BMP3: variants seen among roughly 807,000 people sequenced by gnomAD.
The protein encoded by BMP3 is bone morphogenetic protein 3.
In BMP3, 23 loss-of-function variants were observed where a neutral mutation model predicts 38.1. The ratio of observed to expected loss-of-function variants is 0.60; its 90% CI spans 0.43 to 0.86. The LOEUF (loss-of-function observed/expected upper bound fraction) is 0.86, where lower values mean the gene tolerates loss of function less well. Among genes scored for constraint, BMP3 ranks in the 40% least tolerant of loss-of-function variants. The pLI, the probability that BMP3 is intolerant of heterozygous loss-of-function variation, is 0.00. For synonymous variants in BMP3, 258 were observed against 225.7 expected, an observed-to-expected ratio of 1.14 and a Z score of -1.28; for missense variants, 628 against 579.6, an observed-to-expected ratio of 1.08 and a Z score of -0.86.
Position 81,031,549 on chromosome 4 carries a change from C to A in BMP3, c.265C>A (p.Arg89=), listed in dbSNP as rs1478763551. ...GGGAGGCTCGCAGCCCTGGCGCCCT[C>A]GGCTCCTGCGCGAAGGCAACACGGT... ...LEGGSQPWRP[R]LLREGNTVRS... is the part of the protein sequence containing the mutation. Residue 89 remains arginine (R), a synonymous_variant, in exon 1 of 3, where the codon CGG becomes AGG. Coordinates refer to ENST00000282701, the MANE Select transcript of BMP3 (RefSeq NM_001201.5). 2 of 1,610,422 alleles carry A rather than the reference C, an allele frequency of 1.2e-6. No individual in the cohort carries two copies. Among genetic ancestry groups the A allele is most frequent in the Non-Finnish European group, 1.7e-6 (2 of 1,178,910 alleles).
rs376233783 is a variant in BMP3, at chr4:81,050,238, A to G, written c.1228-3107A>G. ...TTGTAATCAAATTCAACTCGAGGAC[A>G]TCATACACGGCTTGGCAGGTGCAGG... On this transcript the variant is annotated intron_variant, in intron 2 of 2. Coordinates refer to ENST00000282701, the MANE Select transcript of BMP3 (RefSeq NM_001201.5). Among the ~76,000 whole-genome samples the G allele has an allele frequency of 1.8e-3, 272 of 152,318 alleles. 1 individual carries two copies. Among genetic ancestry groups the G allele is most frequent in the African/African-American group, 6.2e-3 (258 of 41,578 alleles).
rs1740546342 is a variant in BMP3 at position 81,055,960 on chromosome 4, A to C, written c.*2424A>C. The C allele has an allele frequency of 6.6e-6, 1 of 152,152 alleles. No homozygotes were observed. Among genetic ancestry groups the C allele is most frequent in the Non-Finnish European group, 1.5e-5 (1 of 68,022 alleles). The allele number at this position is 152,152 out of a possible 1,614,324, so 9.4% of individuals were successfully genotyped here. On this transcript the variant is annotated 3_prime_UTR_variant, in exon 3 of 3. Transcript: ENST00000282701. ...CTATCATTTTACTAATGAATTGAGG[A>C]TGTATTATGGTTTAAATTGGAAGAG...
Position 81,054,088 on chromosome 4 carries a change from G to A in BMP3, c.*552G>A, listed in dbSNP as rs1470985754. On this transcript the variant is annotated 3_prime_UTR_variant, in exon 3 of 3. Transcript: ENST00000282701. ...AATGGAAAGTTTATGCTGAGCGTTA[G>A]TGTGTATGTATGTGCGTACATGCGC... 2.0e-5 allele frequency: 3 copies of A among 152,692 alleles called. No homozygotes were observed. Among genetic ancestry groups the A allele is most frequent in the Non-Finnish European group, 4.4e-5 (3 of 68,118 alleles). 9.5% of individuals were successfully genotyped at this position (152,692 alleles called of 1,614,324 possible).
chr4:81,055,572 T>A lies in BMP3; in HGVS notation c.*2036T>A, dbSNP rs1476342649. ...GGCCAGAGTGTGGCCACCATCCTGA[T>A]CGTACTGTTTTTCAATAAAGAAAAC... On this transcript the variant is annotated 3_prime_UTR_variant, in exon 3 of 3. Transcript: ENST00000282701. 6.6e-6 allele frequency: 1 copy of A among 152,128 alleles called. No individual in the cohort carries two copies. The highest frequency in any genetic ancestry group is 1.5e-5 in the Non-Finnish European group (1 of 67,998). 9.4% of individuals were successfully genotyped at this position (152,128 alleles called of 1,614,324 possible).
intron 2 of BMP3, among the ~76,000 whole-genome samples, chr4:81,048,502 TGTTA>T (rs1279321550): frequency 6.6e-6 from 1 of 152,178 alleles, no homozygotes; most frequent in Non-Finnish European, 1.5e-5. Context: ...AGAGATACTC[TGTTA>T]GTTTGCTTTT....
At chr4:81,048,442 C>T (rs1740318886) in intron 2 of BMP3, among the ~76,000 whole-genome samples, 1 of 152,154 alleles carries the variant, frequency 6.6e-6, no homozygotes. Flanking sequence ...AGTAGTTTTT[C>T]CCTTTTCTCC....
intron 1 of BMP3, among the ~76,000 whole-genome samples, chr4:81,034,758 T>G (rs566388155): frequency 2.6e-5 from 4 of 152,226 alleles, no homozygotes; most frequent in African/African-American, 9.6e-5. Context: ...GAAGAGGAGA[T>G]TCTTTCCTCC....
chr4:81,034,693 TA>T (rs35526478), intron 1 of BMP3, among the ~76,000 whole-genome samples: 4 of 152,132 alleles, frequency 2.6e-5, no homozygotes, highest in Admixed American at 6.6e-5. Flanking sequence ...TTCATAGATT[TA>T]AAAAAATAAC....
intron 1 of BMP3, among the ~76,000 whole-genome samples, chr4:81,043,013 G>A (rs1296047190): frequency 6.6e-6 from 1 of 152,184 alleles, no homozygotes. Flanking sequence ...CCTTCACACA[G>A]TGTTAAAAAT....
At chr4:81,049,395 GA>G (rs1229901009) in intron 2 of BMP3, among the ~76,000 whole-genome samples, 26 of 152,172 alleles carry the variant, frequency 1.7e-4, no homozygotes, top group Non-Finnish European at 3.5e-4. Context: ...TGGAGAGTAA[GA>G]GAATCAGGAG....
intron 1 of BMP3, among the ~76,000 whole-genome samples, chr4:81,039,713 G>A (rs762117516): frequency 3.9e-5 from 6 of 152,092 alleles, no homozygotes; most frequent in African/African-American, 7.2e-5. Context: ...CTAACTCCTA[G>A]GGTCCTTCAT....
chr4:81,042,199 C>A lies in BMP3; in HGVS notation c.317-3539C>A, dbSNP rs999617520. Among the ~76,000 whole-genome samples, 21 of 152,148 alleles carry A rather than the reference C, an allele frequency of 1.4e-4. 1 individual carries two copies. Among genetic ancestry groups the A allele is most frequent in the Non-Finnish European group, 4.4e-5 (3 of 68,018 alleles). On this transcript the variant is annotated intron_variant, in intron 1 of 2. Transcript: ENST00000282701. ...ATGTATTGCTACGATATCTTATATT[C>A]ATTTTCTTACCAAGTCTTCAAAATT...
Position 81,046,257 on chromosome 4 carries a change from C to A in BMP3, c.836C>A (p.Ala279Asp). ...TVPKWDSHIR[A>D]ALSIERRKKR... ...CCCAAATGGGATAGCCACATCAGAGCTGCCCTTTCCATTGAGCGGAGGAAG... is the reference window on the plus strand; with the variant it reads ...CCCAAATGGGATAGCCACATCAGAGATGCCCTTTCCATTGAGCGGAGGAAG... The change falls in exon 2 of 3, where the codon GCT (alanine) becomes GAT (aspartate). Residue 279 changes from alanine to aspartate, a missense_variant. Coordinates refer to ENST00000282701, the MANE Select transcript of BMP3 (RefSeq NM_001201.5). 3 of 1,614,078 alleles carry A rather than the reference C, an allele frequency of 1.9e-6. No individual in the cohort carries two copies. The highest frequency in any genetic ancestry group is 1.7e-6 in the Non-Finnish European group (2 of 1,180,006).
chr4:81,034,225 C>G (rs1039073921), intron 1 of BMP3, among the ~76,000 whole-genome samples: 1 of 135,912 alleles, frequency 7.4e-6, no homozygotes, highest in Non-Finnish European at 1.7e-5. Context: ...GTGCCAAAAC[C>G]GTAAGTTTGG....
intron 1 of BMP3, among the ~76,000 whole-genome samples, chr4:81,032,779 C>CT (rs1385430714): frequency 6.6e-6 from 1 of 152,250 alleles, no homozygotes; most frequent in Non-Finnish European, 1.5e-5. Flanking sequence ...TATTCTAGAG[C>CT]TTACAGGCAT....
Position 81,046,656 on chromosome 4 carries a change from T to C in BMP3, c.1227+8T>C, listed in dbSNP as rs368222931. 3.7e-6 allele frequency: 6 copies of C among 1,605,440 alleles called. No individual in the cohort carries two copies. The African/African-American group carries it at 8.0e-5, about 21-fold the overall frequency. On this transcript the variant is annotated splice_region_variant and intron_variant, in intron 2 of 2. Coordinates refer to ENST00000282701, the MANE Select transcript of BMP3 (RefSeq NM_001201.5). ...CAGTTCCCCATGCCAAAGGTAGCCA[T>C]TGTTCTCTGTCCTGTACTTACTTCC...
intron 1 of BMP3, among the ~76,000 whole-genome samples, 180 bp from the exon 2 acceptor site, chr4:81,045,558 C>T (rs557702554): frequency 6.6e-6 from 1 of 152,246 alleles, no homozygotes; most frequent in African/African-American, 2.4e-5. Context: ...AGAATGGCTT[C>T]ATATCTAAGA....
In BMP3 at chr4:81,046,705, A is replaced by G. The variant is rs934002062; in HGVS notation, c.1227+57A>G. Reference sequence around the variant, plus strand: ...CCTATTTCCATTAGTAGAAAGACACATTGACTAAGTTAGTGTGCATATAGG... The same window carrying G: ...CCTATTTCCATTAGTAGAAAGACACGTTGACTAAGTTAGTGTGCATATAGG... On this transcript the variant is annotated intron_variant, in intron 2 of 2. Transcript: ENST00000282701. The G allele has an allele frequency of 3.9e-6, 6 of 1,529,266 alleles. No homozygotes were observed. The African/African-American group carries it at 8.3e-5, about 21-fold the overall frequency. The allele number at this position is 1,529,266 out of a possible 1,614,324, so 94.7% of individuals were successfully genotyped here. A position where few individuals can be genotyped will look rare whatever the true frequency, so the allele number is the denominator to read the frequency against.
rs769804603 is a variant in BMP3, at chr4:81,053,371, C to T, written c.1254C>T (p.Thr418=). 3.2e-6 allele frequency: 5 copies of T among 1,584,602 alleles called. No individual in the cohort carries two copies. Among genetic ancestry groups the T allele is most frequent in the Non-Finnish European group, 3.4e-6 (4 of 1,169,956 alleles). The change falls in exon 3 of 3, where the codon ACC becomes ACT. Residue 418 remains threonine (T), a synonymous_variant. Coordinates refer to ENST00000282701, the MANE Select transcript of BMP3 (RefSeq NM_001201.5). The part of the protein sequence containing the change: ...PKSLKPSNHA[T]IQSIVRAVGV... ...CTTTGAAGCCATCAAATCATGCTAC[C>T]ATCCAGAGTATAGTGAGAGCTGTGG...
Sources: gnomAD v4.1 joint callset for allele counts (sites outside exome capture counted in the v4.1 genomes callset) on GRCh38, gnomAD v4.1.1 for gene constraint, MANE v1.5 for transcripts, NCBI Gene and HGNC (gene_info 2026-07-23, HGNC 2026-07-21) for gene names.